The following ARHGEF38 variants were observed in gnomAD, a reference collection of about 807,000 sequenced individuals.
ARHGEF38 encodes Rho guanine nucleotide exchange factor (GEF) 38.
ARHGEF38 carries 79 observed loss-of-function variants against 79.9 expected under a neutral mutation model. The ratio of observed to expected loss-of-function variants is 0.99; its 90% CI spans 0.82 to 1.19. The LOEUF (loss-of-function observed/expected upper bound fraction) is 1.19, where lower values mean the gene tolerates loss of function less well. Among genes scored for constraint, ARHGEF38 ranks in the 50% most tolerant of loss-of-function variants. The pLI is 0.00. For synonymous variants in ARHGEF38, 366 were observed against 328.3 expected (o/e 1.11, Z -1.24); for missense variants, 962 against 907.2 (o/e 1.06, Z -0.78).
rs529094051 is a variant in ARHGEF38, at chr4:105,624,575, G to C, written c.509-6323G>C. ...CCTAGGCTAGGTGGAAGCTAAATGA[G>C]ACTGAAGGCAAGGGAGTGTGGCTTC... On this transcript the variant is annotated intron_variant, in intron 3 of 13. Transcript: ENST00000420470. Among the ~76,000 whole-genome samples, 97 of 152,320 alleles carry C rather than the reference G, an allele frequency of 6.4e-4. 1 individual carries two copies. Among genetic ancestry groups the C allele is most frequent in the Non-Finnish European group, 1.3e-3 (87 of 68,030 alleles).
chr4:105,656,495 T>C (rs1352314201), intron 9 of ARHGEF38, among the ~76,000 whole-genome samples: 1 of 152,192 alleles, frequency 6.6e-6, no homozygotes, highest in African/African-American at 2.4e-5. Flanking sequence ...AAGAGTTCTA[T>C]AAAATATATC....
At chr4:105,671,040 A>T (rs577463374) in intron 13 of ARHGEF38, among the ~76,000 whole-genome samples, 11 of 152,240 alleles carry the variant, frequency 7.2e-5, no homozygotes, top group Non-Finnish European at 1.2e-4. Flanking sequence ...GATTTCCATT[A>T]CCAAGAGAGG....
intron 13 of ARHGEF38, among the ~76,000 whole-genome samples, chr4:105,669,803 C>G (rs1251665201): frequency 6.6e-6 from 1 of 152,100 alleles, no homozygotes; most frequent in Non-Finnish European, 1.5e-5. Flanking sequence ...CTCCTCTTTC[C>G]CACCCCTAAC....
chr4:105,557,824 T>A (rs1330965080), intron 1 of ARHGEF38, among the ~76,000 whole-genome samples: 2 of 152,126 alleles, frequency 1.3e-5, no homozygotes, highest in Non-Finnish European at 2.9e-5. Flanking sequence ...ATATTTGTTA[T>A]AGCAGCCCAA....
intron 1 of ARHGEF38, among the ~76,000 whole-genome samples, chr4:105,571,953 A>G (rs1726257776): frequency 6.6e-6 from 1 of 152,254 alleles, no homozygotes; most frequent in Non-Finnish European, 1.5e-5. Flanking sequence ...TGTGTGTTGT[A>G]CATGATATAT....
At chr4:105,659,005 G>A in intron 9 of ARHGEF38, 49 bp from the exon 10 acceptor site, 2 of 1,466,648 alleles carry the variant, frequency 1.4e-6, no homozygotes, top group Non-Finnish European at 1.8e-6. Context: ...ACTGGACAAG[G>A]TATGGGCTGA....
At chr4:105,666,445 A>T (rs775087949) in intron 11 of ARHGEF38, 125 bp downstream of exon 11, 32 of 1,118,348 alleles carry the variant, frequency 2.9e-5, no homozygotes, top group Non-Finnish European at 3.2e-5. Context: ...ATATGTGTAG[A>T]ATTTCTTGTA....
rs554587394 is a variant in ARHGEF38 at position 105,634,195 on chromosome 4, A to G, written c.657-2208A>G. Among the ~76,000 whole-genome samples, 9 of 152,284 alleles carry G rather than the reference A, an allele frequency of 5.9e-5. No individual in the cohort carries two copies. The South Asian group carries it at 1.9e-3, about 32-fold the overall frequency. On this transcript the variant is annotated intron_variant, in intron 4 of 13. Coordinates refer to ENST00000420470, the MANE Select transcript of ARHGEF38 (RefSeq NM_001242729.2). The stretch of plus-strand genomic sequence containing the variant: ...TCAGGTGATTTTCCATACACACTCA[A>G]GTTAAGAACTAAATTAGTGGGAGAA...
At position 105,667,588 on chromosome 4, in the gene ARHGEF38, T is replaced by C; in HGVS notation, c.2033T>C (p.Val678Ala). 1.3e-6 allele frequency: 2 copies of C among 1,536,742 alleles called. No individual in the cohort carries two copies. The highest frequency in any genetic ancestry group is 1.4e-5 in the African/African-American group (1 of 73,190). Residue 678 changes from valine to alanine, a missense_variant, in exon 13 of 14, where the codon GTC becomes GCC. Transcript: ENST00000420470. The part of the protein sequence containing the change: ...FVSSRPASDS[V>A]TGTSESSIGD... The stretch of plus-strand genomic sequence containing the variant: ...TCTTCACGGCCAGCTAGTGACAGTG[T>C]CACAGGCACCTCAGAAAGCAGCATT...
chr4:105,644,462 G>A (rs942817717), intron 5 of ARHGEF38, among the ~76,000 whole-genome samples: 1 of 152,184 alleles, frequency 6.6e-6, no homozygotes, highest in Non-Finnish European at 1.5e-5. Flanking sequence ...TTCCCCTCCT[G>A]TGAACTGCCT....
chr4:105,663,970 C>CAA (rs58428081), intron 10 of ARHGEF38, among the ~76,000 whole-genome samples: 41 of 107,716 alleles, frequency 3.8e-4, no homozygotes, highest in Middle Eastern at 4.8e-3. Context: ...AACTCCGTCT[C>CAA]AAAAAAAAAA....
At chr4:105,672,250 A>G (rs1730980384) in intron 13 of ARHGEF38, among the ~76,000 whole-genome samples, 1 of 152,190 alleles carries the variant, frequency 6.6e-6, no homozygotes, top group Admixed American at 6.5e-5. Context: ...ACCTTTTTAA[A>G]CAGACTTTTA....
At chr4:105,567,542 T>C (rs941282041) in intron 1 of ARHGEF38, among the ~76,000 whole-genome samples, 2 of 152,188 alleles carry the variant, frequency 1.3e-5, no homozygotes, top group Non-Finnish European at 2.9e-5. Flanking sequence ...TTGAAAAATA[T>C]GCCCCTTGAT....
In ARHGEF38 at chr4:105,666,275, T is replaced by G; in HGVS notation, c.1644T>G (p.Ile548Met). 1 of 1,534,796 alleles carries G rather than the reference T, an allele frequency of 6.5e-7. No individual in the cohort carries two copies. Among genetic ancestry groups the G allele is most frequent in the Admixed American group, 2.0e-5 (1 of 50,828 alleles). Residue 548 changes from isoleucine (I) to methionine (M), a missense_variant, in exon 11 of 14, where the codon ATT becomes ATG. Ile to Met is a conservative substitution (Grantham distance 10). Transcript: ENST00000420470. ...NCVKENSATF[I>M]ERKLSFEKKK... ...TGAAAGAAAACAGTGCCACCTTTAT[T>G]GAGAGGAAACTCAGTTTTGAAAAGA...
intron 4 of ARHGEF38, among the ~76,000 whole-genome samples, chr4:105,635,719 G>T (rs916066158): frequency 4.6e-5 from 7 of 152,070 alleles, no homozygotes; most frequent in African/African-American, 1.7e-4. Context: ...GGCAGGAGGT[G>T]GTGGTGGTAT....
chr4:105,668,013 C>A (rs1447600214), intron 13 of ARHGEF38, among the ~76,000 whole-genome samples: 1 of 151,864 alleles, frequency 6.6e-6, no homozygotes, highest in Non-Finnish European at 1.5e-5. Context: ...CTTTTTATAC[C>A]CCCTCCATCA....
intron 1 of ARHGEF38, among the ~76,000 whole-genome samples, chr4:105,586,523 A>G (rs189524997): frequency 2.1e-3 from 315 of 152,344 alleles, no homozygotes; most frequent in Non-Finnish European, 3.1e-3. Flanking sequence ...TACATTTTAA[A>G]GTGCAGCAAC....
At chr4:105,640,370 C>T (rs1729570178) in intron 5 of ARHGEF38, among the ~76,000 whole-genome samples, 1 of 152,120 alleles carries the variant, frequency 6.6e-6, no homozygotes. Flanking sequence ...TCTGCTGCTT[C>T]TTGTTCTTCA....
At chr4:105,555,370 C>T (rs558571554) in intron 1 of ARHGEF38, among the ~76,000 whole-genome samples, 1 of 152,066 alleles carries the variant, frequency 6.6e-6, no homozygotes, top group South Asian at 2.1e-4. Context: ...TAGCATGGTT[C>T]GACTAGAACA....
Sources: allele counts gnomAD v4.1 joint callset (sites outside exome capture counted in the v4.1 genomes callset), GRCh38; gene constraint gnomAD v4.1.1; transcripts MANE v1.5; gene names NCBI Gene and HGNC (gene_info 2026-07-23, HGNC 2026-07-21).